DHRSX: variants seen among roughly 807,000 people sequenced by gnomAD.
The protein encoded by DHRSX is polyprenol dehydrogenase.
A neutral mutation model predicts 34.0 loss-of-function variants in DHRSX; 31 were observed. The ratio of observed to expected loss-of-function variants is 0.91; its 90% confidence interval spans 0.69 to 1.23. DHRSX has a LOEUF of 1.23. DHRSX is among the 50% of genes most tolerant of loss of function. The pLI is 0.00. For synonymous variants in DHRSX, 201 were observed against 183.8 expected, an observed-to-expected ratio of 1.09 and a Z score of -0.76; for missense variants, 414 against 428.1, an observed-to-expected ratio of 0.97 and a Z score of 0.29.
At chrX:2,273,712 A>G (rs1040907594) in intron 4 of DHRSX, among the ~76,000 whole-genome samples, 19 of 152,196 alleles carry the variant, frequency 1.2e-4, no homozygotes, top group Non-Finnish European at 2.1e-4. Flanking sequence ...TTCCAGGTGT[A>G]AGTCAGAACA....
intron 1 of DHRSX, among the ~76,000 whole-genome samples, chrX:2,463,390 C>T (rs1246584446): frequency 6.6e-6 from 1 of 152,130 alleles, no homozygotes; most frequent in African/African-American, 2.4e-5. Flanking sequence ...CCCCTTCCAC[C>T]CTGGGCTCTG....
chrX:2,226,140 G>T (rs1179868067), intron 6 of DHRSX, among the ~76,000 whole-genome samples: 1 of 152,146 alleles, frequency 6.6e-6, no homozygotes, highest in African/African-American at 2.4e-5. Context: ...AACCCCGGCA[G>T]ATGGAGACCA....
chrX:2,370,828 C>T (rs2043049415), intron 3 of DHRSX, among the ~76,000 whole-genome samples: 1 of 152,100 alleles, frequency 6.6e-6, no homozygotes, highest in African/African-American at 2.4e-5. Flanking sequence ...CTGGAGCAAA[C>T]GTCAGAGGAT....
intron 4 of DHRSX, among the ~76,000 whole-genome samples, chrX:2,289,246 T>G: frequency 6.6e-6 from 1 of 151,986 alleles, no homozygotes; most frequent in South Asian, 2.1e-4. Flanking sequence ...GCCTCCTGAG[T>G]AGCTGGGACT....
intron 5 of DHRSX, among the ~76,000 whole-genome samples, chrX:2,253,964 G>A: frequency 6.6e-6 from 1 of 152,098 alleles, no homozygotes; most frequent in Non-Finnish European, 1.5e-5. Flanking sequence ...GGGAGGTTGA[G>A]GCAGGAGAAT....
At chrX:2,313,106 G>T (rs1411863884) in intron 3 of DHRSX, among the ~76,000 whole-genome samples, 3 of 151,450 alleles carry the variant, frequency 2.0e-5, no homozygotes, top group African/African-American at 2.4e-5. Context: ...AGGTTCAAGC[G>T]ATTCTCTTGC....
chrX:2,311,031 A>C (rs1407539069), intron 3 of DHRSX, among the ~76,000 whole-genome samples: 1 of 149,044 alleles, frequency 6.7e-6, no homozygotes, highest in Non-Finnish European at 1.5e-5. Context: ...ATTGCACCCC[A>C]GACTGAATGA....
intron 3 of DHRSX, among the ~76,000 whole-genome samples, chrX:2,395,402 T>C (rs371897271): frequency 6.8e-4 from 103 of 152,252 alleles, no homozygotes; most frequent in African/African-American, 2.5e-3. Flanking sequence ...GCTTGTACTG[T>C]GTCTAGAAAC....
At chrX:2,465,820 A>AAAG (rs1179224517) in intron 1 of DHRSX, among the ~76,000 whole-genome samples, 2 of 108,184 alleles carry the variant, frequency 1.8e-5, no homozygotes, top group African/African-American at 5.0e-5. Context: ...AAAAAAAAAA[A>AAAG]AAAAAAGAGA....
intron 5 of DHRSX, among the ~76,000 whole-genome samples, chrX:2,261,134 C>G (rs768645809): frequency 6.6e-6 from 1 of 152,000 alleles, no homozygotes; most frequent in African/African-American, 2.4e-5. Flanking sequence ...CATTGGAACC[C>G]GGGAGGCGGA....
chrX:2,230,699 G>A (rs2015856936), intron 6 of DHRSX, among the ~76,000 whole-genome samples: 2 of 152,106 alleles, frequency 1.3e-5, no homozygotes, highest in South Asian at 4.1e-4. Flanking sequence ...ACTAGAAAAG[G>A]AATTCCACTC....
chrX:2,265,928 T>C (rs761071278), intron 5 of DHRSX, among the ~76,000 whole-genome samples: 858 of 61,692 alleles, frequency 0.014, no homozygotes, highest in Middle Eastern at 0.047. Context: ...GCTCGGCAGA[T>C]GCAGGGAGCA....
chrX:2,440,202 T>C (rs2044045085), intron 1 of DHRSX, among the ~76,000 whole-genome samples: 1 of 152,102 alleles, frequency 6.6e-6, no homozygotes, highest in Non-Finnish European at 1.5e-5. Flanking sequence ...TTGTTCTTTT[T>C]TCTTTTTCTT....
rs769774315 is a variant in DHRSX at position 2,444,613 on chromosome X, T to C, written c.110-19309A>G. On this transcript the variant is annotated intron_variant, in intron 1 of 6. Coordinates refer to ENST00000334651, the MANE Select transcript of DHRSX (RefSeq NM_145177.3). ...TGGGAGGCCCAGGTGGGAAGATCCA[T>C]TGAGGCCCAGAGTTCCAGACGAACC... 9.2e-5 allele frequency among the ~76,000 whole-genome samples: 14 copies of C among 151,872 alleles called. No individual in the cohort carries two copies. The East Asian group carries it at 1.4e-3, about 15-fold the overall frequency.
At chrX:2,330,927 T>C (rs1439543493) in intron 3 of DHRSX, among the ~76,000 whole-genome samples, 1 of 152,046 alleles carries the variant, frequency 6.6e-6, no homozygotes, top group Non-Finnish European at 1.5e-5. Context: ...TCTCAAATGT[T>C]AAAGACTGAT....
At chrX:2,324,319 T>C (rs1453771668) in intron 3 of DHRSX, among the ~76,000 whole-genome samples, 1 of 152,204 alleles carries the variant, frequency 6.6e-6, no homozygotes, top group Non-Finnish European at 1.5e-5. Flanking sequence ...ATGATGAAGC[T>C]GCACAGAGCT....
At chrX:2,252,881 C>CT (rs1246790751) in intron 5 of DHRSX, among the ~76,000 whole-genome samples, 1 of 152,194 alleles carries the variant, frequency 6.6e-6, no homozygotes, top group Non-Finnish European at 1.5e-5. Context: ...CCTAAGGACT[C>CT]TGACAAAAGT....
intron 1 of DHRSX, among the ~76,000 whole-genome samples, chrX:2,456,472 T>C (rs1363033979): frequency 6.6e-6 from 1 of 151,572 alleles, no homozygotes; most frequent in Non-Finnish European, 1.5e-5. Flanking sequence ...AGATTAGCCA[T>C]GTGTGGTGGC....
At chrX:2,256,429 G>A (rs1212086733) in intron 5 of DHRSX, among the ~76,000 whole-genome samples, 2 of 151,532 alleles carry the variant, frequency 1.3e-5, no homozygotes, top group Non-Finnish European at 2.9e-5. Flanking sequence ...CAAAGCAGCT[G>A]AGATTACAGG....
Sources: gnomAD v4.1 joint callset for allele counts (sites outside exome capture counted in the v4.1 genomes callset) on GRCh38, gnomAD v4.1.1 for gene constraint, MANE v1.5 for transcripts, NCBI Gene and HGNC (gene_info 2026-07-23, HGNC 2026-07-21) for gene names.